Variants in CREBRF observed in about 807,000 individuals in gnomAD.
CREBRF encodes the protein CREB3 regulatory factor.
Under a neutral mutation model 66.1 loss-of-function variants are expected in CREBRF, and 5 were observed. The ratio of observed to expected loss-of-function variants is 0.08; its 90% CI spans 0.04 to 0.16. The LOEUF is 0.16. Among genes scored for constraint, CREBRF ranks in the 10% least tolerant of loss-of-function variants. CREBRF has a pLI of 1.00. For missense variants in CREBRF, 531 were observed against 744.9 expected (o/e 0.71, Z 3.34); for synonymous variants, 229 against 264.4 (o/e 0.87, Z 1.30).
intron 1 of CREBRF, among the ~76,000 whole-genome samples, chr5:173,062,969 G>A (rs1757322836): frequency 6.6e-6 from 1 of 151,866 alleles, no homozygotes; most frequent in Admixed American, 6.6e-5. Flanking sequence ...GGATGGTCTC[G>A]ATCTCCTGAC....
chr5:173,086,334 T>A (rs904883462), intron 2 of CREBRF, 167 bp from the exon 3 acceptor site: 1 of 667,074 alleles, frequency 1.5e-6, no homozygotes, highest in African/African-American at 1.8e-5. Flanking sequence ...AGTCTACAGT[T>A]CAGTGTTAGC....
chr5:173,117,755 G>C (rs1367159317), intron 7 of CREBRF, among the ~76,000 whole-genome samples: 1 of 148,062 alleles, frequency 6.8e-6, no homozygotes, highest in Non-Finnish European at 1.5e-5. Flanking sequence ...CTGTTGTCCA[G>C]GCTGGAGTCC....
chr5:173,102,659 A>G (rs1278924614), intron 4 of CREBRF, among the ~76,000 whole-genome samples: 1 of 152,016 alleles, frequency 6.6e-6, no homozygotes, highest in Non-Finnish European at 1.5e-5. Context: ...TGGCACCTGT[A>G]TCTGTGGGAG....
intron 4 of CREBRF, among the ~76,000 whole-genome samples, chr5:173,093,633 CAGCCTTCCAAGT>C (rs1758404669): frequency 6.6e-6 from 1 of 152,194 alleles, no homozygotes; most frequent in African/African-American, 2.4e-5. Flanking sequence ...CCTCCCACCA[CAGCCTTCCAAGT>C]AGCTAGGACC....
intron 4 of CREBRF, among the ~76,000 whole-genome samples, chr5:173,104,215 A>G (rs1373003545): frequency 1.3e-5 from 2 of 152,286 alleles, no homozygotes; most frequent in Admixed American, 6.5e-5. Flanking sequence ...AGGATGAGAG[A>G]TTTTAAAACT....
chr5:173,109,884 A>T (rs1489634673), intron 5 of CREBRF: 4 of 153,262 alleles, frequency 2.6e-5, no homozygotes, highest in African/African-American at 9.6e-5. Context: ...AAGTCCAGTC[A>T]ATAATCCCAA....
At chr5:173,059,052 G>C (rs1444144542) in intron 1 of CREBRF, among the ~76,000 whole-genome samples, 1 of 151,638 alleles carries the variant, frequency 6.6e-6, no homozygotes, top group Non-Finnish European at 1.5e-5. Flanking sequence ...ACCCACCTCA[G>C]CTTCCAAAGT....
At chr5:173,063,832 C>T (rs574464127) in intron 1 of CREBRF, among the ~76,000 whole-genome samples, 126 of 152,090 alleles carry the variant, frequency 8.3e-4, no homozygotes, top group African/African-American at 2.8e-3. Context: ...AGCAATTCTC[C>T]TGCCTCAGCC....
intron 8 of CREBRF, among the ~76,000 whole-genome samples, chr5:173,131,515 T>C (rs1431301084): frequency 1.3e-5 from 2 of 152,198 alleles, no homozygotes; most frequent in Admixed American, 6.5e-5. Flanking sequence ...AATCCAGGTC[T>C]TGTAAAATGT....
At chr5:173,113,890 T>C (rs1758925064) in intron 7 of CREBRF, among the ~76,000 whole-genome samples, 1 of 152,214 alleles carries the variant, frequency 6.6e-6, no homozygotes, top group African/African-American at 2.4e-5. Context: ...TTCTCCCTTA[T>C]TTTGTTTAAG....
At chr5:173,116,216 A>T (rs566867827) in intron 7 of CREBRF, among the ~76,000 whole-genome samples, 6 of 152,270 alleles carry the variant, frequency 3.9e-5, no homozygotes, top group Non-Finnish European at 8.8e-5. Flanking sequence ...GAAATAAAAA[A>T]TGTGTTTTCC....
rs925168812 is a variant in CREBRF, at chr5:173,123,377, G to A, written c.1804+175G>A. ...GATTTAGTGTTCATAAACATGTGTT[G>A]CAGGTGACCACAACTTGTAATTTAG... On this transcript the variant is annotated intron_variant, in intron 8 of 8. Transcript: ENST00000296953. 12 of 534,480 alleles carry A rather than the reference G, an allele frequency of 2.2e-5. No individual in the cohort carries two copies. In the African/African-American group the frequency reaches 2.4e-4, roughly 11 times the overall value. The allele number at this position is 534,480 out of a possible 1,614,324, so 33.1% of individuals were successfully genotyped here. A position where few individuals can be genotyped will look rare whatever the true frequency, so the allele number is the denominator to read the frequency against.
intron 8 of CREBRF, among the ~76,000 whole-genome samples, chr5:173,133,080 T>C (rs945367158): frequency 1.3e-5 from 2 of 152,266 alleles, no homozygotes; most frequent in African/African-American, 2.4e-5. Context: ...ATACTTATGC[T>C]GCTCCCACCT....
intron 8 of CREBRF, among the ~76,000 whole-genome samples, chr5:173,128,754 C>G (rs895722587): frequency 1.3e-5 from 2 of 151,798 alleles, no homozygotes; most frequent in African/African-American, 4.8e-5. Flanking sequence ...TATTTTCAAT[C>G]CTTCTGAATC....
chr5:173,126,547 TG>T (rs993098170), intron 8 of CREBRF, among the ~76,000 whole-genome samples: 4 of 152,240 alleles, frequency 2.6e-5, no homozygotes, highest in African/African-American at 9.6e-5. Context: ...CTTCTGACTG[TG>T]GGCTCCTTGT....
intron 4 of CREBRF, among the ~76,000 whole-genome samples, chr5:173,105,225 A>ATGTGTGTGTG (rs34768667): frequency 1.2e-4 from 17 of 146,546 alleles, no homozygotes; most frequent in East Asian, 4.0e-4. Flanking sequence ...GTGTGTATAT[A>ATGTGTGTGTG]TGTGTGTGTG....
chr5:173,123,408 A>G, intron 8 of CREBRF: 1 of 468,318 alleles, frequency 2.1e-6, no homozygotes, highest in South Asian at 3.1e-5. Flanking sequence ...TTTAGACTTA[A>G]TCATGAAACT....
chr5:173,104,004 A>G (rs1162432772), intron 4 of CREBRF, among the ~76,000 whole-genome samples: 5 of 152,246 alleles, frequency 3.3e-5, no homozygotes, highest in Non-Finnish European at 7.3e-5. Flanking sequence ...GCATTAAACA[A>G]CATCATGAAT....
intron 4 of CREBRF, among the ~76,000 whole-genome samples, chr5:173,094,004 G>A (rs1338098548): frequency 6.6e-6 from 1 of 152,116 alleles, no homozygotes; most frequent in East Asian, 1.9e-4. Context: ...GATTTCGCAT[G>A]TAAATGAGAT....
Sources: allele counts gnomAD v4.1 joint callset (sites outside exome capture counted in the v4.1 genomes callset), GRCh38; gene constraint gnomAD v4.1.1; transcripts MANE v1.5; gene names NCBI Gene and HGNC (gene_info 2026-07-23, HGNC 2026-07-21).